The following PLIN5 variants were observed in gnomAD, a reference collection of about 807,000 sequenced individuals.
The protein encoded by PLIN5 is perilipin-5.
PLIN5 carries 34 observed loss-of-function variants against 32.8 expected under a neutral mutation model. That is an observed-to-expected ratio of 1.04 (90% CI 0.79 to 1.38). The LOEUF (loss-of-function observed/expected upper bound fraction) is 1.38. Among genes scored for constraint, PLIN5 ranks in the 40% most tolerant of loss-of-function variants. The pLI is 0.00. For synonymous variants in PLIN5, 309 were observed against 292.9 expected, an observed-to-expected ratio of 1.05 and a Z score of -0.56; for missense variants, 712 against 660.5, an observed-to-expected ratio of 1.08 and a Z score of -0.85.
Position 4,523,267 on chromosome 19 carries a change from G to GCT in PLIN5, c.*260_*261insAG. 2.3e-6 allele frequency: 1 copy of GCT among 429,914 alleles called. No homozygotes were observed. The highest frequency in any genetic ancestry group is 2.1e-5 in the African/African-American group (1 of 48,560). 26.6% of individuals were successfully genotyped at this position (429,914 alleles called of 1,614,324 possible). ...TTCGCTTCATGGAGCCAGGGAGCAG[G>GCT]ACATAGGTGAAGAACCCAGCTTGTG... On this transcript the variant is annotated 3_prime_UTR_variant, in exon 8 of 8. Coordinates refer to ENST00000381848, the MANE Select transcript of PLIN5 (RefSeq NM_001013706.3). The surrounding 1 kb of genome is among the most constrained non-coding windows in gnomAD (Gnocchi z 5.0).
intron 2 of PLIN5, chr19:4,533,554 G>T: frequency 4.6e-6 from 1 of 219,306 alleles, no homozygotes; most frequent in East Asian, 9.6e-5. Flanking sequence ...GTGTGAACTT[G>T]GGCAAGCCAC....
At chr19:4,531,848 G>C in intron 2 of PLIN5, 26 bp from the exon 3 acceptor site, 2 of 1,498,010 alleles carry the variant, frequency 1.3e-6, no homozygotes, top group Non-Finnish European at 1.8e-6. Flanking sequence ...GCATCAGGGG[G>C]ACCCTGGGGG....
intron 7 of PLIN5, among the ~76,000 whole-genome samples, chr19:4,524,367 C>T (rs1163157542): frequency 6.6e-6 from 1 of 152,234 alleles, no homozygotes; most frequent in South Asian, 2.1e-4. Flanking sequence ...GCCTGGCCAA[C>T]ATGGCGAAAC....
At chr19:4,529,375 T>C in intron 4 of PLIN5, 122 bp from the exon 5 acceptor site, 1 of 1,122,986 alleles carries the variant, frequency 8.9e-7, no homozygotes, top group Non-Finnish European at 1.3e-6. Flanking sequence ...GTGCCTCAGT[T>C]TCCCCTATAA....
intron 4 of PLIN5, chr19:4,529,511 T>TAC: frequency 1.9e-6 from 1 of 534,182 alleles, no homozygotes; most frequent in Non-Finnish European, 3.3e-6. Context: ...CATATATACA[T>TAC]GTATATATAC....
intron 5 of PLIN5, among the ~76,000 whole-genome samples, chr19:4,526,522 G>A (rs967014657): frequency 2.0e-5 from 3 of 152,148 alleles, no homozygotes; most frequent in Non-Finnish European, 4.4e-5. Flanking sequence ...TGCCTGGCCT[G>A]CTTAACCATT....
rs1028608613 is a variant in PLIN5 at position 4,525,770 on chromosome 19, G to A, written c.583C>T (p.Gln195Ter). 6.2e-7 allele frequency: 1 copy of A among 1,613,496 alleles called. No individual in the cohort carries two copies. Among genetic ancestry groups the A allele is most frequent in the Non-Finnish European group, 8.5e-7 (1 of 1,179,996 alleles). Residue 195 changes from glutamine to a stop codon, truncating the protein, a stop_gained, in exon 6 of 8, where the codon CAG (glutamine) becomes TAG (stop). Transcript: ENST00000381848. LOFTEE classifies it high-confidence loss of function. The surrounding 1 kb of genome is among the most constrained non-coding windows in gnomAD (Gnocchi z 5.6). ...GAGCCGAGGCGCACAAAGTAGCCCT[G>A]CTGTCTCCTCTGATCCTCCACCGAA... ...VGSVEDQRRQ[Q>*]GYFVRLGSLS...
rs915174343 is a variant in PLIN5, at chr19:4,531,947, C to T, written c.61-125G>A. 4 of 966,472 alleles carry T rather than the reference C, an allele frequency of 4.1e-6. No homozygotes were observed. The African/African-American group carries it at 6.7e-5, about 16-fold the overall frequency. 59.9% of individuals were successfully genotyped at this position (966,472 alleles called of 1,614,324 possible). A position where few individuals can be genotyped will look rare whatever the true frequency, so the allele number is the denominator to read the frequency against. ...AGTGGAAGGATGGAGTACTGAGCAC[C>T]CCGCCACGTAGAGGCAGTGAAGATA... On this transcript the variant is annotated intron_variant, in intron 2 of 7. Coordinates refer to ENST00000381848, the MANE Select transcript of PLIN5 (RefSeq NM_001013706.3).
At chr19:4,529,637 AC>A (rs1976858305) in intron 4 of PLIN5, 146 bp downstream of exon 4, 1 of 592,926 alleles carries the variant, frequency 1.7e-6, no homozygotes, top group African/African-American at 2.2e-5. Flanking sequence ...ACACACACAC[AC>A]ACACACACAC....
chr19:4,534,231 G>GC, intron 1 of PLIN5, 136 bp from the exon 2 acceptor site: 1 of 704,166 alleles, frequency 1.4e-6, no homozygotes, highest in East Asian at 2.7e-5. Flanking sequence ...ATTCTGTGGA[G>GC]CTCAGACAAT....
At position 4,531,750 on chromosome 19, in the gene PLIN5, C is replaced by T. The variant is rs1408353460; in HGVS notation, c.133G>A (p.Ala45Thr). The change falls in exon 3 of 8, where the codon GCA (alanine) becomes ACA (threonine). Residue 45 changes from alanine to threonine, a missense_variant. Ala to Thr is a moderately conservative substitution (Grantham distance 58). Coordinates refer to ENST00000381848, the MANE Select transcript of PLIN5 (RefSeq NM_001013706.3). ...AGCAGCGGGTGCCTGTCCTTGGCTG[C>T]ACTGTAAACATCGCAGACCGCGGTG... is the stretch of plus-strand genomic sequence containing the variant. ...TCTAVCDVYS[A>T]AKDRHPLLGS... is the part of the protein sequence containing the mutation. 9 of 1,602,274 alleles carry T rather than the reference C, an allele frequency of 5.6e-6. No individual in the cohort carries two copies. Among genetic ancestry groups the T allele is most frequent in the Non-Finnish European group, 6.8e-6 (8 of 1,176,874 alleles).
intron 3 of PLIN5, 22 bp downstream of exon 3, chr19:4,531,605 G>T: frequency 6.7e-7 from 1 of 1,484,050 alleles, no homozygotes; most frequent in South Asian, 1.3e-5. Context: ...CAGCTCCCAG[G>T]GACACGGGCC....
chr19:4,529,554 A>C, intron 4 of PLIN5: 1 of 514,528 alleles, frequency 1.9e-6, no homozygotes, highest in Non-Finnish European at 3.4e-6. Context: ...GTATATATAC[A>C]TATATACTTA....
intron 2 of PLIN5, 140 bp from the exon 3 acceptor site, chr19:4,531,962 C>A: frequency 1.2e-6 from 1 of 830,780 alleles, no homozygotes; most frequent in South Asian, 2.2e-5. Flanking sequence ...CACGTAGAGG[C>A]AGTGAAGATA....
rs752105787 is a variant in PLIN5, at chr19:4,523,516, C to T, written c.*12G>A. On this transcript the variant is annotated 3_prime_UTR_variant, in exon 8 of 8. Transcript: ENST00000381848. The surrounding 1 kb of genome is among the most constrained non-coding windows in gnomAD (Gnocchi z 5.0). ...AGGTGGCCTTTCCTCCCCGCCTCCA[C>T]TGGCCCATGGGTCAGAAGTCCAGCT... 1 of 1,535,638 alleles carries T rather than the reference C, an allele frequency of 6.5e-7. No homozygotes were observed.
Position 4,523,982 on chromosome 19 carries a change from T to C in PLIN5, c.938A>G (p.Gln313Arg). 1 of 1,525,792 alleles carries C rather than the reference T, an allele frequency of 6.6e-7. No individual in the cohort carries two copies. The highest frequency in any genetic ancestry group is 8.7e-7 in the Non-Finnish European group (1 of 1,143,656). 94.5% of individuals were successfully genotyped at this position (1,525,792 alleles called of 1,614,324 possible). The change falls in exon 8 of 8, where the codon CAG becomes CGG. Residue 313 changes from glutamine (Q) to arginine (R), a missense_variant. By Grantham distance (43) the Gln-to-Arg change is conservative. Coordinates refer to ENST00000381848, the MANE Select transcript of PLIN5 (RefSeq NM_001013706.3). This position sits in a 1 kb window ranked among gnomAD's most constrained non-coding sequence, Gnocchi z 5.0. ...GCGCCGCACCTCAGCCACCTTCTCC[T>C]GGGCGCCGGCGGGCAGGCCCCGCAC... The part of the protein sequence containing the change: ...SSVRGLPAGA[Q>R]EKVAEVRRSV...
intron 7 of PLIN5, among the ~76,000 whole-genome samples, 160 bp downstream of exon 7, chr19:4,524,803 C>A (rs955378639): frequency 7.1e-6 from 1 of 140,664 alleles, no homozygotes; most frequent in Non-Finnish European, 1.5e-5. Context: ...GCCTCAGTTT[C>A]CCCCCCCAGA....
intron 5 of PLIN5, chr19:4,528,724 A>C (rs573623021): frequency 2.6e-4 from 47 of 184,274 alleles, no homozygotes; most frequent in African/African-American, 1.0e-3. Context: ...CTGGTTTTTC[A>C]AAACAAGCCA....
chr19:4,525,500 A>T lies in PLIN5; in HGVS notation c.720+133T>A. On this transcript the variant is annotated intron_variant, in intron 6 of 7. Transcript: ENST00000381848. This position sits in a 1 kb window ranked among gnomAD's most constrained non-coding sequence, Gnocchi z 5.6. ...AGGCCCGGGTCCCCCAGCCCTGAAC[A>T]CATGCAGCTGGAGACAGCTGCACCC... is the stretch of plus-strand genomic sequence containing the variant. 1 of 1,114,760 alleles carries T rather than the reference A, an allele frequency of 9.0e-7. No homozygotes were observed. Among genetic ancestry groups the T allele is most frequent in the Non-Finnish European group, 1.3e-6 (1 of 785,868 alleles). 69.1% of individuals were successfully genotyped at this position (1,114,760 alleles called of 1,614,324 possible).
Sources: gnomAD v4.1 joint callset for allele counts (sites outside exome capture counted in the v4.1 genomes callset) on GRCh38, gnomAD v4.1.1 for gene constraint, Gnocchi (gnomAD v3.1) non-coding constraint, MANE v1.5 for transcripts, NCBI Gene and HGNC (gene_info 2026-07-23, HGNC 2026-07-21) for gene names.